NRG3: variants seen among roughly 807,000 people sequenced by gnomAD.
NRG3 encodes the protein pro-neuregulin-3, membrane-bound isoform.
NRG3 carries 31 observed loss-of-function variants against 66.9 expected under a neutral mutation model. The observed-to-expected ratio is 0.46, with a 90% CI of 0.35 to 0.63. The LOEUF (loss-of-function observed/expected upper bound fraction) is 0.63, where lower values mean the gene tolerates loss of function less well. Ranked by LOEUF, NRG3 falls within the 20% of genes least tolerant of loss-of-function variation. The pLI is 0.00. For missense variants in NRG3, 910 were observed against 878.9 expected (o/e 1.04, Z -0.45); for synonymous variants, 393 against 359.4 (o/e 1.09, Z -1.06).
chr10:82,379,220 A>G (rs924626587), intron 2 of NRG3, among the ~76,000 whole-genome samples: 50 of 152,134 alleles, frequency 3.3e-4, no homozygotes, highest in African/African-American at 8.2e-4. Context: ...CTTCAAGCTC[A>G]TCCCATTTCC....
intron 1 of NRG3, among the ~76,000 whole-genome samples, chr10:82,062,611 A>AAG (rs2064222167): frequency 6.7e-6 from 1 of 150,240 alleles, no homozygotes; most frequent in East Asian, 1.9e-4. Flanking sequence ...TCTCAAAAAA[A>AAG]AAAGAAAAAG....
chr10:82,937,002 T>C (rs1001032918), intron 4 of NRG3, among the ~76,000 whole-genome samples: 16 of 152,194 alleles, frequency 1.1e-4, no homozygotes, highest in Non-Finnish European at 2.2e-4. Flanking sequence ...AGATTATATA[T>C]TTATTATTGC....
In NRG3 at chr10:82,336,312, T is replaced by A. The variant is rs142812113; in HGVS notation, c.824-22427T>A. On this transcript the variant is annotated intron_variant, in intron 1 of 8. Coordinates refer to ENST00000372141, the MANE Select transcript of NRG3 (RefSeq NM_001010848.4). ...ACTTTAAGATATCAAAGAAAATGAC[T>A]GTTTTCCTACTTTGTAGTGCAGATT... 4.7e-3 allele frequency among the ~76,000 whole-genome samples: 722 copies of A among 152,202 alleles called. 5 individuals carry two copies. The highest frequency in any genetic ancestry group is 0.017 in the African/African-American group (692 of 41,526).
chr10:82,354,180 G>A (rs557144217), intron 1 of NRG3, among the ~76,000 whole-genome samples: 11 of 150,766 alleles, frequency 7.3e-5, no homozygotes, highest in Admixed American at 2.0e-4. Context: ...GGTCACAGGC[G>A]TGCGCCACCA....
At chr10:82,584,655 G>A (rs1309066060) in intron 2 of NRG3, among the ~76,000 whole-genome samples, 1 of 152,046 alleles carries the variant, frequency 6.6e-6, no homozygotes, top group Non-Finnish European at 1.5e-5. Flanking sequence ...GTTCATAATT[G>A]TTGCCTTTTT....
chr10:82,062,788 T>C (rs917760294), intron 1 of NRG3, among the ~76,000 whole-genome samples: 12 of 151,722 alleles, frequency 7.9e-5, no homozygotes, highest in Admixed American at 6.6e-5. Flanking sequence ...GAAGGGAAGG[T>C]ACTGAAGAGA....
chr10:81,898,377 C>A (rs1843717655), intron 1 of NRG3, among the ~76,000 whole-genome samples: 1 of 152,204 alleles, frequency 6.6e-6, no homozygotes, highest in Non-Finnish European at 1.5e-5. Context: ...TCCCAGATAG[C>A]TCCTCAGTGA....
chr10:82,145,482 A>G (rs536666244), intron 1 of NRG3, among the ~76,000 whole-genome samples: 2 of 152,226 alleles, frequency 1.3e-5, no homozygotes, highest in Non-Finnish European at 2.9e-5. Flanking sequence ...AAGCAAATGT[A>G]TAATGTACCT....
chr10:82,927,190 A>C (rs1170178869), intron 4 of NRG3, among the ~76,000 whole-genome samples: 1 of 152,194 alleles, frequency 6.6e-6, no homozygotes. Flanking sequence ...CTGGTGCTGA[A>C]GGGTGGTGGC....
intron 2 of NRG3, among the ~76,000 whole-genome samples, chr10:82,658,485 C>T (rs1426286589): frequency 6.6e-6 from 1 of 151,796 alleles, no homozygotes; most frequent in Non-Finnish European, 1.5e-5. Flanking sequence ...GATCAGGATT[C>T]AGACAATATG....
chr10:82,161,865 C>T (rs1270646990), intron 1 of NRG3, among the ~76,000 whole-genome samples: 1 of 152,102 alleles, frequency 6.6e-6, no homozygotes, highest in Non-Finnish European at 1.5e-5. Flanking sequence ...AGGTGTCTGC[C>T]ATGGGAAAGC....
chr10:82,362,548 G>GTTTTTTTTTT lies in NRG3; in HGVS notation c.953+3692_953+3701dup, dbSNP rs10694679. Among the ~76,000 whole-genome samples the GTTTTTTTTTT allele has an allele frequency of 1.9e-3, 158 of 83,178 alleles. 8 individuals are homozygous for GTTTTTTTTTT. Among genetic ancestry groups the GTTTTTTTTTT allele is most frequent in the African/African-American group, 4.1e-3 (82 of 20,166 alleles). 54.6% of individuals were successfully genotyped at this position (83,178 alleles called of 152,430 possible). A position where few individuals can be genotyped will look rare whatever the true frequency, so the allele number is the denominator to read the frequency against. ...ACCACCATGCCCAGATAATTTCTGGGTTTTTTTTTTTTTTTTTTTTTCGTA... is the reference window on the plus strand; with the variant it reads ...ACCACCATGCCCAGATAATTTCTGGGTTTTTTTTTTTTTTTTTTTTTTTTTTTTTTTCGTA... On this transcript the variant is annotated intron_variant, in intron 2 of 8. Transcript: ENST00000372141.
intron 2 of NRG3, among the ~76,000 whole-genome samples, chr10:82,581,498 C>T (rs1284247241): frequency 6.6e-6 from 1 of 151,738 alleles, no homozygotes; most frequent in African/African-American, 2.4e-5. Context: ...ATAGATGGTA[C>T]TTCATATAAA....
chr10:82,709,524 A>G (rs369441669), intron 2 of NRG3, among the ~76,000 whole-genome samples: 10 of 152,018 alleles, frequency 6.6e-5, no homozygotes, highest in African/African-American at 2.4e-4. Context: ...TGGGACTACA[A>G]GTGTGCGCCA....
At chr10:82,828,656 A>AT (rs376967852) in intron 3 of NRG3, among the ~76,000 whole-genome samples, 286 of 152,306 alleles carry the variant, frequency 1.9e-3, no homozygotes, top group African/African-American at 6.6e-3. Context: ...ACCATTACAC[A>AT]TTTTTTAAAT....
chr10:82,058,631 CA>C (rs1473329958), intron 1 of NRG3, among the ~76,000 whole-genome samples: 1 of 151,766 alleles, frequency 6.6e-6, no homozygotes, highest in African/African-American at 2.4e-5. Context: ...AGTTCCATCA[CA>C]AGTTTTTTTA....
chr10:82,746,730 A>G (rs944868724), intron 3 of NRG3, among the ~76,000 whole-genome samples: 1 of 152,150 alleles, frequency 6.6e-6, no homozygotes, highest in Admixed American at 6.6e-5. Context: ...TCTTAATCAA[A>G]TCTGAGGTAC....
At chr10:82,716,708 C>T (rs1021393097) in intron 2 of NRG3, among the ~76,000 whole-genome samples, 1 of 152,176 alleles carries the variant, frequency 6.6e-6, no homozygotes, top group African/African-American at 2.4e-5. Context: ...GCCCTAGAGA[C>T]TCTCAACAAT....
At chr10:82,293,805 T>A (rs193129561) in intron 1 of NRG3, among the ~76,000 whole-genome samples, 55 of 152,158 alleles carry the variant, frequency 3.6e-4, no homozygotes, top group Non-Finnish European at 6.0e-4. Flanking sequence ...CCTCTTAATA[T>A]CTCGTAATTG....
Sources: allele counts gnomAD v4.1 joint callset (sites outside exome capture counted in the v4.1 genomes callset), GRCh38; gene constraint gnomAD v4.1.1; transcripts MANE v1.5; gene names NCBI Gene and HGNC (gene_info 2026-07-23, HGNC 2026-07-21).